Variants in NKAIN2 observed in about 807,000 individuals in gnomAD.
The protein encoded by NKAIN2 is sodium/potassium-transporting ATPase subunit beta-1-interacting protein 2.
In NKAIN2, 14 loss-of-function variants were observed where a neutral mutation model predicts 32.6. The observed-to-expected ratio is 0.43, with a 90% CI of 0.28 to 0.67. The LOEUF is 0.67. Ranked by LOEUF, NKAIN2 falls within the 30% of genes least tolerant of loss-of-function variation. The pLI is 0.17. For synonymous variants in NKAIN2, 80 were observed against 87.2 expected (o/e 0.92, Z 0.46); for missense variants, 198 against 258.3 (o/e 0.77, Z 1.60).
At chr6:123,807,139 G>A (rs539779701) in intron 1 of NKAIN2, among the ~76,000 whole-genome samples, 1 of 152,102 alleles carries the variant, frequency 6.6e-6, no homozygotes, top group East Asian at 1.9e-4. Context: ...CAGACTACAA[G>A]TATTGATAAA....
chr6:124,547,330 TAGAA>T (rs997052511), intron 3 of NKAIN2, among the ~76,000 whole-genome samples: 3 of 152,084 alleles, frequency 2.0e-5, no homozygotes, highest in Non-Finnish European at 2.9e-5. Flanking sequence ...TCAAGTAAAA[TAGAA>T]AGAGCATTCT....
At chr6:124,757,590 T>C (rs1400436383) in intron 4 of NKAIN2, among the ~76,000 whole-genome samples, 1 of 152,148 alleles carries the variant, frequency 6.6e-6, no homozygotes, top group Non-Finnish European at 1.5e-5. Context: ...GGCCAATTGA[T>C]GCATGTCTGT....
In NKAIN2 at chr6:124,388,086, G is replaced by A. The variant is rs78906717; in HGVS notation, c.273+32739G>A. ...CTAATAACACAAAATTATCTAGCCC[G>A]AAATGTCAACAGTTCCAAGGTTCAG... On this transcript the variant is annotated intron_variant, in intron 3 of 6. Transcript: ENST00000368417. 5.0e-3 allele frequency among the ~76,000 whole-genome samples: 756 copies of A among 151,958 alleles called. 38 individuals carry two copies. In the East Asian group the frequency reaches 0.11, roughly 23 times the overall value.
chr6:124,417,208 T>C (rs1168345804), intron 3 of NKAIN2, among the ~76,000 whole-genome samples: 3 of 152,170 alleles, frequency 2.0e-5, no homozygotes, highest in Non-Finnish European at 4.4e-5. Flanking sequence ...TAACAAGCAA[T>C]TACGGACACA....
chr6:124,608,239 T>C (rs1013149888), intron 3 of NKAIN2, among the ~76,000 whole-genome samples: 5 of 152,192 alleles, frequency 3.3e-5, no homozygotes, highest in Admixed American at 6.5e-5. Context: ...CTACCATTAA[T>C]CTGTATGCTC....
At chr6:124,351,121 G>GTT (rs1798706145) in intron 2 of NKAIN2, among the ~76,000 whole-genome samples, 1 of 152,118 alleles carries the variant, frequency 6.6e-6, no homozygotes, top group South Asian at 2.1e-4. Context: ...ATGAAGGTTG[G>GTT]TTTCATGAAA....
At chr6:124,364,046 C>T (rs1358531248) in intron 3 of NKAIN2, among the ~76,000 whole-genome samples, 8 of 151,578 alleles carry the variant, frequency 5.3e-5, no homozygotes, top group Non-Finnish European at 1.0e-4. Context: ...AATAATTTAG[C>T]CCCAGAGAAC....
chr6:124,406,554 G>C (rs1454891720), intron 3 of NKAIN2, among the ~76,000 whole-genome samples: 1 of 152,128 alleles, frequency 6.6e-6, no homozygotes, highest in African/African-American at 2.4e-5. Flanking sequence ...ACTATGCACA[G>C]TCTTTGCATG....
rs183633704 is a variant in NKAIN2 at position 123,838,723 on chromosome 6, C to G, written c.54+34469C>G. Among the ~76,000 whole-genome samples, 260 of 152,188 alleles carry G rather than the reference C, an allele frequency of 1.7e-3. 1 individual carries two copies. The highest frequency in any genetic ancestry group is 6.8e-3 in the Middle Eastern group (2 of 294). ...ATGTTAAAGCAGTGTGTTTTATTAC[C>G]TTTCTACTCAAGGGGGTCAGGGGAC... On this transcript the variant is annotated intron_variant, in intron 1 of 6. Coordinates refer to ENST00000368417, the MANE Select transcript of NKAIN2 (RefSeq NM_001040214.3).
intron 5 of NKAIN2, among the ~76,000 whole-genome samples, chr6:124,810,195 G>T (rs551033443): frequency 1.8e-4 from 27 of 152,084 alleles, no homozygotes; most frequent in African/African-American, 6.3e-4. Context: ...TATGTTTATT[G>T]CGGCACTATT....
chr6:124,462,127 G>T (rs894279584), intron 3 of NKAIN2, among the ~76,000 whole-genome samples: 1 of 151,736 alleles, frequency 6.6e-6, no homozygotes, highest in Non-Finnish European at 1.5e-5. Flanking sequence ...TCTTAGCTCC[G>T]TGAGGGGATA....
At chr6:124,173,112 T>C (rs1472334581) in intron 1 of NKAIN2, among the ~76,000 whole-genome samples, 1 of 152,146 alleles carries the variant, frequency 6.6e-6, no homozygotes, top group Non-Finnish European at 1.5e-5. Flanking sequence ...TTGATGGTAA[T>C]CTACTCCTGA....
chr6:124,642,488 CTA>C (rs113265877), intron 3 of NKAIN2, among the ~76,000 whole-genome samples: 2 of 152,078 alleles, frequency 1.3e-5, no homozygotes, highest in African/African-American at 4.8e-5. Flanking sequence ...TCAGGGTTTT[CTA>C]TGAGTGAGTG....
intron 3 of NKAIN2, among the ~76,000 whole-genome samples, chr6:124,386,497 A>G (rs1772906874): frequency 6.6e-6 from 1 of 152,104 alleles, no homozygotes; most frequent in African/African-American, 2.4e-5. Context: ...CCTGTTACAA[A>G]TGTTTGAAGA....
chr6:124,704,301 A>T (rs1774943094), intron 4 of NKAIN2, among the ~76,000 whole-genome samples: 1 of 152,010 alleles, frequency 6.6e-6, no homozygotes, highest in Non-Finnish European at 1.5e-5. Context: ...ATCACAAAAG[A>T]CTATAGAAAG....
At chr6:124,261,487 G>C (rs1389098378) in intron 1 of NKAIN2, among the ~76,000 whole-genome samples, 1 of 152,170 alleles carries the variant, frequency 6.6e-6, no homozygotes, top group South Asian at 2.1e-4. Context: ...CAACCTAGGT[G>C]ACTGTCATAG....
At chr6:124,471,985 G>GT (rs1305617566) in intron 3 of NKAIN2, among the ~76,000 whole-genome samples, 3 of 143,642 alleles carry the variant, frequency 2.1e-5, no homozygotes, top group Non-Finnish European at 4.6e-5. Flanking sequence ...ATTAAAGTAT[G>GT]TTTTTTCTGA....
At chr6:124,370,206 C>T (rs9491141) in intron 3 of NKAIN2, among the ~76,000 whole-genome samples, 25,466 of 150,982 alleles carry the variant, frequency 0.17, 3,003 homozygotes, top group African/African-American at 0.34. Context: ...CAAAACAATA[C>T]AGAGAAAATG....
chr6:124,205,549 C>G lies in NKAIN2; in HGVS notation c.55-77456C>G, dbSNP rs369594993. Reference sequence around the variant, plus strand: ...TCACTAAGTCGTTCATATCCTTTTACCCAGTCATCAAAATAGATTATTCTT... The same window carrying G: ...TCACTAAGTCGTTCATATCCTTTTAGCCAGTCATCAAAATAGATTATTCTT... On this transcript the variant is annotated intron_variant, in intron 1 of 6. Transcript: ENST00000368417. Among the ~76,000 whole-genome samples, 5 of 151,602 alleles carry G rather than the reference C, an allele frequency of 3.3e-5. No homozygotes were observed. The East Asian group carries it at 7.8e-4, about 24-fold the overall frequency.
Sources: allele counts gnomAD v4.1 joint callset (sites outside exome capture counted in the v4.1 genomes callset), GRCh38; gene constraint gnomAD v4.1.1; transcripts MANE v1.5; gene names NCBI Gene and HGNC (gene_info 2026-07-23, HGNC 2026-07-21).